RGS4: variants seen among roughly 807,000 people sequenced by gnomAD.
RGS4 encodes schizophrenia disorder 9.
RGS4 carries 15 observed loss-of-function variants against 21.6 expected under a neutral mutation model. The observed-to-expected ratio is 0.69, with a 90% CI of 0.46 to 1.07. The LOEUF (loss-of-function observed/expected upper bound fraction) is 1.07. Ranked by LOEUF, RGS4 falls within the 50% of genes least tolerant of loss-of-function variation. RGS4 has a pLI of 0.00. For missense variants in RGS4, 237 were observed against 239.0 expected, an observed-to-expected ratio of 0.99 and a Z score of 0.06; for synonymous variants, 94 against 85.5, an observed-to-expected ratio of 1.10 and a Z score of -0.55.
chr1:163,069,198 C>T, upstream of RGS4: 1 of 1,517,500 alleles, frequency 6.6e-7, no homozygotes, highest in Non-Finnish European at 8.8e-7. Context: ...ATTTTCTCTG[C>T]TCGTTCACTT....
intron 3 of RGS4, 85 bp from the exon 4 acceptor site, chr1:163,073,371 C>A: frequency 8.9e-7 from 1 of 1,124,834 alleles, no homozygotes; most frequent in South Asian, 1.9e-5. Context: ...CTTTATCCCC[C>A]AAGTACCTCA....
intron 2 of RGS4, 37 bp from the exon 3 acceptor site, chr1:163,072,768 G>A (rs1467045652): frequency 1.3e-6 from 2 of 1,563,202 alleles, no homozygotes; most frequent in Admixed American, 1.7e-5. Flanking sequence ...TTTTACCATG[G>A]CATTCCAATT....
chr1:163,073,627 G>GT lies in RGS4; in HGVS notation c.378+11dup. 2 of 1,573,666 alleles carry GT rather than the reference G, an allele frequency of 1.3e-6. No individual in the cohort carries two copies. The highest frequency in any genetic ancestry group is 2.3e-5 in the East Asian group (1 of 44,282). ...TCAGTCCAGGCAACCAAAGAGGTAG[G>GT]TTTTTTATGGATACATAAAAATTGT... On this transcript the variant is annotated splice_donor_region_variant and intron_variant, in intron 4 of 4. Transcript: ENST00000367909.
In RGS4 at chr1:163,074,350, G is replaced by C. The variant is rs1655425566; in HGVS notation, c.408G>C (p.Glu136Asp). Residue 136 changes from glutamate (E) to aspartate (D), a missense_variant, in exon 5 of 5, where the codon GAG (glutamate) becomes GAC (aspartate). Glu to Asp is a conservative substitution (Grantham distance 45, BLOSUM62 2). Coordinates refer to ENST00000367909, the MANE Select transcript of RGS4 (RefSeq NM_005613.6). Reference sequence around the variant, plus strand: ...ACCTGGATTCTTGCACCAGGGAAGAGACAAGCCGGAACATGCTAGAGCCTA... The same window carrying C: ...ACCTGGATTCTTGCACCAGGGAAGACACAAGCCGGAACATGCTAGAGCCTA... ...EVNLDSCTRE[E>D]TSRNMLEPTI... 1.2e-6 allele frequency: 2 copies of C among 1,613,700 alleles called. No individual in the cohort carries two copies. The highest frequency in any genetic ancestry group is 1.7e-5 in the Admixed American group (1 of 59,978).
At chr1:163,070,117 A>G (rs1417781639) in intron 1 of RGS4, among the ~76,000 whole-genome samples, 3 of 152,176 alleles carry the variant, frequency 2.0e-5, no homozygotes, top group African/African-American at 7.2e-5. Context: ...GAAGTGTCTC[A>G]TATGAGTTTG....
chr1:163,073,758 C>T lies in RGS4; in HGVS notation c.378+136C>T, dbSNP rs76702833. Reference sequence around the variant, plus strand: ...ATATCTCAAACATTTATTATTTCTACGTGTTGAGAACATTCCAAATCTCCT... The same window carrying T: ...ATATCTCAAACATTTATTATTTCTATGTGTTGAGAACATTCCAAATCTCCT... On this transcript the variant is annotated intron_variant, in intron 4 of 4. Coordinates refer to ENST00000367909, the MANE Select transcript of RGS4 (RefSeq NM_005613.6). 2,801 of 590,282 alleles carry T rather than the reference C, an allele frequency of 4.7e-3. 88 individuals carry two copies. The East Asian group carries it at 0.062, about 13-fold the overall frequency. The allele number at this position is 590,282 out of a possible 1,614,324, so 36.6% of individuals were successfully genotyped here. A position where few individuals can be genotyped will look rare whatever the true frequency, so the allele number is the denominator to read the frequency against.
intron 4 of RGS4, 117 bp downstream of exon 4, chr1:163,073,739 C>T: frequency 1.6e-6 from 1 of 623,664 alleles, no homozygotes. Context: ...ATACATATCT[C>T]AAACATTTAT....
At chr1:163,071,497 AAAGT>A (rs1162150422) in intron 1 of RGS4, among the ~76,000 whole-genome samples, 2 of 152,088 alleles carry the variant, frequency 1.3e-5, no homozygotes, top group African/African-American at 4.8e-5. Flanking sequence ...TATTTAATAA[AAAGT>A]AAGAGAGTTG....
intron 1 of RGS4, chr1:163,072,188 T>G: frequency 1.9e-6 from 2 of 1,036,544 alleles, no homozygotes; most frequent in Non-Finnish European, 1.3e-6. Flanking sequence ...AAGGAAATGG[T>G]GTTATGACTG....
chr1:163,072,429 C>T lies in RGS4; in HGVS notation c.79C>T (p.Leu27=). The change falls in exon 2 of 5, where the codon CTG becomes TTG. Residue 27 remains leucine, a synonymous_variant. Transcript: ENST00000367909. ...KDMKHRLGFL[L]QKSDSCEHNS... ...TATGAAACATCGGCTAGGTTTCCTG[C>T]TGCAAAAATCTGATTCCTGTGAACA... 2 of 1,613,144 alleles carry T rather than the reference C, an allele frequency of 1.2e-6. No individual in the cohort carries two copies. The highest frequency in any genetic ancestry group is 1.7e-6 in the Non-Finnish European group (2 of 1,179,476).
chr1:163,072,367 T>G (rs954989256), intron 1 of RGS4, 28 bp from the exon 2 acceptor site: 3 of 1,514,650 alleles, frequency 2.0e-6, no homozygotes, highest in Admixed American at 3.4e-5. Flanking sequence ...GTTATTACTA[T>G]TTATTCATTT....
rs1655445218 is a variant in RGS4 at position 163,074,837 on chromosome 1, G to A, written c.*277G>A. ...TCTAAATAATGGCCTGGTAGGTCTG[G>A]ATTTTCAAAGATTGTTGGCAGTTTC... is the stretch of plus-strand genomic sequence containing the variant. On this transcript the variant is annotated 3_prime_UTR_variant, in exon 5 of 5. Coordinates refer to ENST00000367909, the MANE Select transcript of RGS4 (RefSeq NM_005613.6). The A allele has an allele frequency of 3.3e-6, 2 of 602,780 alleles. No homozygotes were observed. Among genetic ancestry groups the A allele is most frequent in the Non-Finnish European group, 5.9e-6 (2 of 340,168 alleles). The allele number at this position is 602,780 out of a possible 1,614,324, so 37.3% of individuals were successfully genotyped here. A position where few individuals can be genotyped will look rare whatever the true frequency, so the allele number is the denominator to read the frequency against.
In RGS4 at chr1:163,074,514, C is replaced by A. The variant is rs1284200062; in HGVS notation, c.572C>A (p.Ala191Asp). The change falls in exon 5 of 5, where the codon GCC (alanine) becomes GAC (aspartate). Residue 191 changes from alanine (A) to aspartate (D), a missense_variant. By Grantham distance (126) the Ala-to-Asp change is moderately radical. Coordinates refer to ENST00000367909, the MANE Select transcript of RGS4 (RefSeq NM_005613.6). ...SSCGAEKQKGAKSSADCASLV... is the reference protein window; with the variant it reads ...SSCGAEKQKGDKSSADCASLV... ...TGTGGGGCAGAAAAGCAGAAAGGAG[C>A]CAAGAGTTCAGCAGACTGTGCTTCC... 2.5e-6 allele frequency: 4 copies of A among 1,613,928 alleles called. No individual in the cohort carries two copies. The highest frequency in any genetic ancestry group is 3.4e-6 in the Non-Finnish European group (4 of 1,179,892).
chr1:163,071,152 C>G (rs1483522108), intron 1 of RGS4, among the ~76,000 whole-genome samples: 1 of 151,974 alleles, frequency 6.6e-6, no homozygotes, highest in African/African-American at 2.4e-5. Context: ...TTGGAATCAC[C>G]CTAACATTCA....
chr1:163,073,350 T>C, intron 3 of RGS4, 106 bp from the exon 4 acceptor site: 2 of 936,490 alleles, frequency 2.1e-6, no homozygotes, highest in Non-Finnish European at 3.1e-6. Context: ...AAGGGATTGC[T>C]TGAATCCATG....
chr1:163,072,609 T>C, intron 2 of RGS4, 110 bp downstream of exon 2: 2 of 913,420 alleles, frequency 2.2e-6, no homozygotes, highest in Non-Finnish European at 3.4e-6. Flanking sequence ...TGGATCAAGA[T>C]AGCCTCCATT....
chr1:163,070,700 C>T (rs1458596961), intron 1 of RGS4: 1 of 152,124 alleles, frequency 6.6e-6, no homozygotes, highest in Non-Finnish European at 1.5e-5. Flanking sequence ...ACAAGAGTGT[C>T]AGGAGAAAGT....
Position 163,075,509 on chromosome 1 carries a change from TG to T in RGS4, c.*951del, listed in dbSNP as rs1205981918. 1 of 152,130 alleles carries T rather than the reference TG, an allele frequency of 6.6e-6. No individual in the cohort carries two copies. The highest frequency in any genetic ancestry group is 1.5e-5 in the Non-Finnish European group (1 of 68,030). The allele number at this position is 152,130 out of a possible 1,614,324, so 9.4% of individuals were successfully genotyped here. On this transcript the variant is annotated 3_prime_UTR_variant, in exon 5 of 5. Transcript: ENST00000367909. ...AGGGCATGCTTATTAGCAGCTGGGT[TG>T]GTATGGAGTTGGCAGACAGGATGTT...
chr1:163,076,324 G>C lies in RGS4; in HGVS notation c.*1764G>C, dbSNP rs1490487889. ...AGAGTGTATGCATACAAATCTCACT[G>C]TATTAAAGATGCAGGTTTTCTAATT... On this transcript the variant is annotated 3_prime_UTR_variant, in exon 5 of 5. Coordinates refer to ENST00000367909, the MANE Select transcript of RGS4 (RefSeq NM_005613.6). The C allele has an allele frequency of 1.3e-5, 2 of 152,530 alleles. No homozygotes were observed. The highest frequency in any genetic ancestry group is 2.9e-5 in the Non-Finnish European group (2 of 68,040). 9.4% of individuals were successfully genotyped at this position (152,530 alleles called of 1,614,324 possible). A position where few individuals can be genotyped will look rare whatever the true frequency, so the allele number is the denominator to read the frequency against.
Sources: gnomAD v4.1 joint callset for allele counts (sites outside exome capture counted in the v4.1 genomes callset) on GRCh38, gnomAD v4.1.1 for gene constraint, MANE v1.5 for transcripts, NCBI Gene and HGNC (gene_info 2026-07-23, HGNC 2026-07-21) for gene names.